The following LGR6 variants were observed in gnomAD, a reference collection of about 807,000 sequenced individuals.
LGR6 encodes the protein leucine-rich repeat-containing G protein-coupled receptor 6.
A neutral mutation model predicts 69.4 loss-of-function variants in LGR6; 45 were observed. The ratio of observed to expected loss-of-function variants is 0.65; its 90% CI spans 0.51 to 0.83. The LOEUF (loss-of-function observed/expected upper bound fraction) is 0.83, where lower values mean the gene tolerates loss of function less well. LGR6 is among the 40% of genes least tolerant of loss of function. The pLI, the probability that LGR6 is intolerant of heterozygous loss-of-function variation, is 0.00. For synonymous variants in LGR6, 538 were observed against 555.0 expected (o/e 0.97, Z 0.43); for missense variants, 1,108 against 1,246.7 (o/e 0.89, Z 1.68).
At chr1:202,253,342 G>T (rs1663431565) in intron 4 of LGR6, among the ~76,000 whole-genome samples, 1 of 150,790 alleles carries the variant, frequency 6.6e-6, no homozygotes. Context: ...TTGCTCTATT[G>T]CCTAGGCTGG....
rs145718977 is a variant in LGR6 at position 202,318,155 on chromosome 1, C to G, written c.1852C>G (p.Leu618Val). Residue 618 changes from leucine to valine, a missense_variant, in exon 18 of 18, where the codon CTA (leucine) becomes GTA (valine). Leu to Val is a conservative substitution (Grantham distance 32). Coordinates refer to ENST00000367278, the MANE Select transcript of LGR6 (RefSeq NM_001017403.2). ...NTLTGISCGLLASVDALTFGQ... is the reference protein window; with the variant it reads ...NTLTGISCGLVASVDALTFGQ... ...CTTGACTGGCATTTCCTGTGGCCTT[C>G]TAGCCTCAGTCGATGCCCTGACCTT... 9.5e-5 allele frequency: 153 copies of G among 1,613,882 alleles called. No individual in the cohort carries two copies. The highest frequency in any genetic ancestry group is 1.3e-4 in the Non-Finnish European group (148 of 1,180,034).
intron 1 of LGR6, among the ~76,000 whole-genome samples, chr1:202,208,380 A>C (rs1419141554): frequency 2.0e-5 from 3 of 151,336 alleles, no homozygotes; most frequent in Non-Finnish European, 4.4e-5. Context: ...AGATACAAAG[A>C]GGGGAGAGAG....
chr1:202,227,545 C>T (rs922785145), intron 2 of LGR6, among the ~76,000 whole-genome samples: 1 of 152,164 alleles, frequency 6.6e-6, no homozygotes. Context: ...CCATATGATG[C>T]AGTCCAGCAG....
intron 15 of LGR6, 25 bp downstream of exon 15, chr1:202,309,201 C>A (rs1226215464): frequency 6.2e-7 from 1 of 1,612,502 alleles, no homozygotes; most frequent in Non-Finnish European, 8.5e-7. Flanking sequence ...TTCCCCAACA[C>A]CTGGGTAGGC....
intron 4 of LGR6, among the ~76,000 whole-genome samples, chr1:202,269,534 G>A (rs1232683540): frequency 6.6e-6 from 1 of 152,224 alleles, no homozygotes; most frequent in Non-Finnish European, 1.5e-5. Context: ...ATGAGACCAT[G>A]TCATGGAAGA....
intron 1 of LGR6, among the ~76,000 whole-genome samples, chr1:202,204,354 ACCTCCACACACACACACCT>A (rs1161912286): frequency 1.5e-4 from 16 of 103,516 alleles, no homozygotes; most frequent in Non-Finnish European, 1.9e-5. Flanking sequence ...ACACACACAC[ACCTCCACACACACACACCT>A]CCACACACAC....
chr1:202,309,112 C>T lies in LGR6; in HGVS notation c.1342C>T (p.Leu448=). The T allele has an allele frequency of 6.2e-7, 1 of 1,614,180 alleles. No homozygotes were observed. Among genetic ancestry groups the T allele is most frequent in the Non-Finnish European group, 8.5e-7 (1 of 1,180,020 alleles). The change falls in exon 15 of 18, where the codon CTG becomes TTG. Residue 448 remains leucine, a synonymous_variant. Coordinates refer to ENST00000367278, the MANE Select transcript of LGR6 (RefSeq NM_001017403.2). ...PLAGLGGLMH[L]KLKGNLALSQ... ...GGCTGGACTTGGGGGCTTGATGCAT[C>T]TGAAGCTCAAAGGGAACCTTGCTCT... is the stretch of plus-strand genomic sequence containing the variant.
intron 4 of LGR6, among the ~76,000 whole-genome samples, chr1:202,262,357 A>G (rs1164996475): frequency 6.6e-6 from 1 of 152,084 alleles, no homozygotes; most frequent in Non-Finnish European, 1.5e-5. Context: ...TCCTTTCCCC[A>G]TTGCTTGTTT....
intron 14 of LGR6, 102 bp downstream of exon 14, chr1:202,307,503 A>G (rs1328370596): frequency 1.1e-6 from 1 of 943,006 alleles, no homozygotes; most frequent in Non-Finnish European, 1.7e-6. Flanking sequence ...GAACATGCAT[A>G]TCCCAGGGAG....
At chr1:202,292,871 T>C (rs1486135273) in intron 6 of LGR6, among the ~76,000 whole-genome samples, 2 of 152,238 alleles carry the variant, frequency 1.3e-5, no homozygotes, top group Non-Finnish European at 2.9e-5. Context: ...TAGCCACACA[T>C]GCCTAGTGGC....
chr1:202,212,378 T>C (rs769814751), intron 1 of LGR6, among the ~76,000 whole-genome samples: 1 of 152,120 alleles, frequency 6.6e-6, no homozygotes, highest in Non-Finnish European at 1.5e-5. Flanking sequence ...TGCTGATTGT[T>C]CCCCGCTTAC....
chr1:202,285,368 G>C (rs1046546449), intron 6 of LGR6, among the ~76,000 whole-genome samples: 1 of 152,166 alleles, frequency 6.6e-6, no homozygotes, highest in South Asian at 2.1e-4. Flanking sequence ...CAGGGCTCAG[G>C]GTTCTTCCCA....
chr1:202,270,391 T>C (rs771999125), intron 4 of LGR6, among the ~76,000 whole-genome samples: 4 of 152,070 alleles, frequency 2.6e-5, no homozygotes, highest in Non-Finnish European at 4.4e-5. Context: ...TATAGGCGTG[T>C]GCCACCACGC....
intron 6 of LGR6, among the ~76,000 whole-genome samples, chr1:202,287,428 G>A (rs1666471302): frequency 6.6e-6 from 1 of 151,972 alleles, no homozygotes; most frequent in Non-Finnish European, 1.5e-5. Context: ...TTCTCCCAAG[G>A]CTCAAGTTCT....
Position 202,214,147 on chromosome 1 carries a change from G to C in LGR6, c.213-11276G>C. On this transcript the variant is annotated intron_variant, in intron 1 of 17. Coordinates refer to ENST00000367278, the MANE Select transcript of LGR6 (RefSeq NM_001017403.2). ...GCAGAACTGGCACTCGAGGTCCCAG[G>C]GGCCGGAATGCGCTTGGAGGGAGAG... 4 of 1,496,600 alleles carry C rather than the reference G, an allele frequency of 2.7e-6. No individual in the cohort carries two copies. In the South Asian group the frequency reaches 5.3e-5, roughly 20 times the overall value. 92.7% of individuals were successfully genotyped at this position (1,496,600 alleles called of 1,614,324 possible).
intron 1 of LGR6, among the ~76,000 whole-genome samples, chr1:202,201,824 A>G (rs1029516243): frequency 6.6e-6 from 1 of 152,230 alleles, no homozygotes; most frequent in Non-Finnish European, 1.5e-5. Flanking sequence ...GGGGCTCAGC[A>G]CAGAAATTGG....
At chr1:202,311,323 G>A (rs115036432) in intron 16 of LGR6, among the ~76,000 whole-genome samples, 1,556 of 152,354 alleles carry the variant, frequency 0.01, 27 homozygotes, top group African/African-American at 0.035. Flanking sequence ...CATTGGACCA[G>A]TCATGTAACC....
chr1:202,313,933 C>T (rs1653937738), intron 16 of LGR6, among the ~76,000 whole-genome samples: 2 of 152,166 alleles, frequency 1.3e-5, no homozygotes, highest in African/African-American at 4.8e-5. Flanking sequence ...CCTTATTAGT[C>T]TCCACAAGCT....
chr1:202,204,689 A>C (rs1445265460), intron 1 of LGR6, among the ~76,000 whole-genome samples: 9 of 37,826 alleles, frequency 2.4e-4, no homozygotes, highest in African/African-American at 6.0e-4. Context: ...ACACACACAC[A>C]CCCCCAAACA....
Sources: gnomAD v4.1 joint callset for allele counts (sites outside exome capture counted in the v4.1 genomes callset) on GRCh38, gnomAD v4.1.1 for gene constraint, MANE v1.5 for transcripts, NCBI Gene and HGNC (gene_info 2026-07-23, HGNC 2026-07-21) for gene names.